Variants in INTS6 observed in about 807,000 individuals in gnomAD.
INTS6 encodes DEAD box protein.
Under a neutral mutation model 104.9 loss-of-function variants are expected in INTS6, and 16 were observed. The ratio of observed to expected loss-of-function variants is 0.15; its 90% CI spans 0.10 to 0.23. The LOEUF (loss-of-function observed/expected upper bound fraction) is 0.23. INTS6 is among the 10% of genes least tolerant of loss of function. INTS6 has a pLI of 1.00. For synonymous variants in INTS6, 324 were observed against 358.7 expected (o/e 0.90, Z 1.09); for missense variants, 584 against 1,062.8 (o/e 0.55, Z 6.26).
intron 3 of INTS6, chr13:51,436,622 G>A (rs1952693439): frequency 6.6e-6 from 1 of 152,010 alleles, no homozygotes; most frequent in Admixed American, 6.6e-5. Context: ...GAAATCGTAA[G>A]TCACCATAAG....
At chr13:51,443,283 A>G (rs928588324) in intron 3 of INTS6, 2 of 152,280 alleles carry the variant, frequency 1.3e-5, no homozygotes, top group Admixed American at 6.5e-5. Flanking sequence ...TCCATTCTAA[A>G]GCCCTATGAA....
At position 51,368,978 on chromosome 13, in the gene INTS6, T is replaced by G. The variant is rs1955747007; in HGVS notation, c.2437A>C (p.Lys813Gln). ...RSHEEVNTEL[K>Q]AQIMKEIRKP... ...CGGATCTCTTTCATTATTTGTGCTT[T>G]TAGTTCAGTATTGACCTCTTCATGG... Residue 813 changes from lysine (K) to glutamine (Q), a missense_variant, in exon 16 of 18, where the codon AAA (lysine) becomes CAA (glutamine). Physicochemically the swap from Lys to Gln is moderately conservative, Grantham distance 53. This residue lies in a region of INTS6 where 296 missense variants were observed against 437.0 expected (regional missense o/e 0.68). Coordinates refer to ENST00000311234, the MANE Select transcript of INTS6 (RefSeq NM_012141.3). The G allele has an allele frequency of 6.2e-7, 1 of 1,603,550 alleles. No individual in the cohort carries two copies. The highest frequency in any genetic ancestry group is 8.5e-7 in the Non-Finnish European group (1 of 1,175,890).
chr13:51,379,100 T>C (rs1955994396), intron 11 of INTS6, among the ~76,000 whole-genome samples: 1 of 151,976 alleles, frequency 6.6e-6, no homozygotes, highest in Non-Finnish European at 1.5e-5. Context: ...ACTCCCATTC[T>C]GAAAGAAAAA....
rs545122503 is a variant in INTS6, at chr13:51,361,783, A to T, written c.*3969T>A. On this transcript the variant is annotated 3_prime_UTR_variant, in exon 18 of 18. Transcript: ENST00000311234. Reference sequence around the variant, plus strand: ...TTTCTTAAAAATGCACAGAAAATGCAATGGAATTTTTCTTTCTTTCCTGCA... The same window carrying T: ...TTTCTTAAAAATGCACAGAAAATGCTATGGAATTTTTCTTTCTTTCCTGCA... The T allele has an allele frequency of 6.4e-7, 1 of 1,563,760 alleles. No homozygotes were observed. Among genetic ancestry groups the T allele is most frequent in the East Asian group, 2.3e-5 (1 of 44,282 alleles).
At chr13:51,394,838 G>A (rs1246470154) in intron 5 of INTS6, among the ~76,000 whole-genome samples, 2 of 152,100 alleles carry the variant, frequency 1.3e-5, no homozygotes, top group African/African-American at 4.8e-5. Flanking sequence ...CTAATCTGAT[G>A]TATAAGTGAA....
intron 7 of INTS6, chr13:51,384,418 A>G (rs997005542): frequency 3.6e-6 from 1 of 279,328 alleles, no homozygotes; most frequent in Non-Finnish European, 7.1e-6. Context: ...TGTGAACAAA[A>G]TGAGCTATGA....
In INTS6 at chr13:51,417,871, T is replaced by G. The variant is rs558336632; in HGVS notation, c.429+12423A>C. ...ATTCTATCTCACTGACCTATATGACTGTCCTTATGCAGTACAATACTGTTG... is the reference window on the plus strand; with the variant it reads ...ATTCTATCTCACTGACCTATATGACGGTCCTTATGCAGTACAATACTGTTG... On this transcript the variant is annotated intron_variant, in intron 4 of 17. Transcript: ENST00000311234. Among the ~76,000 whole-genome samples the G allele has an allele frequency of 3.9e-5, 6 of 152,364 alleles. No individual in the cohort carries two copies. The South Asian group carries it at 1.2e-3, about 32-fold the overall frequency.
intron 3 of INTS6, chr13:51,448,611 G>C (rs1952971406): frequency 6.6e-6 from 1 of 152,146 alleles, no homozygotes; most frequent in Non-Finnish European, 1.5e-5. Context: ...CTTGTAATTA[G>C]TTATGAAAAA....
At chr13:51,354,949 A>C in intron 3 of INTS6, 2 of 661,486 alleles carry the variant, frequency 3.0e-6, no homozygotes, top group African/African-American at 3.6e-5. Context: ...AGCCAGCCTG[A>C]CTTCCAAGTT....
At position 51,374,321 on chromosome 13, in the gene INTS6, A is replaced by C; in HGVS notation, c.1991T>G (p.Leu664Arg). The change falls in exon 15 of 18, where the codon CTA (leucine) becomes CGA (arginine). Residue 664 changes from leucine to arginine, a missense_variant. Coordinates refer to ENST00000311234, the MANE Select transcript of INTS6 (RefSeq NM_012141.3). ...AACAGGATTCTGCTGTCTGCCTCTTAGTAGTGGAGACATACACCGACGTCT... is the reference window on the plus strand; with the variant it reads ...AACAGGATTCTGCTGTCTGCCTCTTCGTAGTGGAGACATACACCGACGTCT... ...PKRRRCMSPLLRGRQQNPVVN... is the reference protein window; with the variant it reads ...PKRRRCMSPLRRGRQQNPVVN... 1 of 1,613,930 alleles carries C rather than the reference A, an allele frequency of 6.2e-7. No homozygotes were observed. The highest frequency in any genetic ancestry group is 1.3e-5 in the African/African-American group (1 of 75,024).
chr13:51,401,245 T>C (rs1381125567), intron 4 of INTS6, among the ~76,000 whole-genome samples: 20 of 152,190 alleles, frequency 1.3e-4, no homozygotes. Context: ...TATATATGCA[T>C]TCACTCATCA....
At chr13:51,428,541 G>A (rs1026261978) in intron 4 of INTS6, among the ~76,000 whole-genome samples, 8 of 151,660 alleles carry the variant, frequency 5.3e-5, no homozygotes, top group Non-Finnish European at 1.2e-4. Context: ...TGGTCAGGCT[G>A]GTCTTGAACT....
In INTS6 at chr13:51,452,777, G is replaced by T; in HGVS notation, c.-252C>A. On this transcript the variant is annotated 5_prime_UTR_variant, in exon 1 of 18. Transcript: ENST00000311234. The surrounding 1 kb of genome is among the most constrained non-coding windows in gnomAD (Gnocchi z 4.2). The stretch of plus-strand genomic sequence containing the variant: ...TCCTGCCTGCCTGCCCGCTGGGGCG[G>T]GCGCCCAGCCGTCTGTCTGTCGGTT... The T allele has an allele frequency of 8.2e-7, 1 of 1,212,926 alleles. No individual in the cohort carries two copies. Among genetic ancestry groups the T allele is most frequent in the Non-Finnish European group, 1.0e-6 (1 of 968,990 alleles). 75.1% of individuals were successfully genotyped at this position (1,212,926 alleles called of 1,614,324 possible).
intron 17 of INTS6, 47 bp downstream of exon 17, chr13:51,367,758 G>A (rs1955720844): frequency 9.4e-7 from 1 of 1,065,814 alleles, no homozygotes; most frequent in Non-Finnish European, 1.4e-6. Flanking sequence ...TATATAAACT[G>A]TGGACTCATT....
chr13:51,398,955 G>A (rs546571496), intron 4 of INTS6, among the ~76,000 whole-genome samples: 7 of 152,182 alleles, frequency 4.6e-5, no homozygotes, highest in African/African-American at 1.7e-4. Context: ...TATCCAGAAA[G>A]CACAGCCTAA....
chr13:51,421,318 C>A, intron 4 of INTS6: 1 of 985,508 alleles, frequency 1.0e-6, no homozygotes, highest in East Asian at 1.1e-4. Flanking sequence ...TTGAAAACCA[C>A]TGGGCTGCTC....
rs1417773935 is a variant in INTS6, at chr13:51,387,533, C to T, written c.747G>A (p.Gln249=). ...ATCCAAAAGGCCTTGATATATCTGG[C>T]TGCCCATCTATAGCAAAGAAATTAA... ...GPDPSPVEDG[Q]PDISRPFGSQ... is the part of the protein sequence containing the mutation. The change falls in exon 7 of 18, where the codon CAG becomes CAA. Residue 249 remains glutamine (Q), a synonymous_variant. Transcript: ENST00000311234. 3.1e-6 allele frequency: 5 copies of T among 1,606,788 alleles called. No individual in the cohort carries two copies. The highest frequency in any genetic ancestry group is 2.2e-5 in the South Asian group (2 of 89,936).
intron 4 of INTS6, among the ~76,000 whole-genome samples, chr13:51,420,299 ATT>A (rs71192003): frequency 4.2e-5 from 6 of 142,852 alleles, no homozygotes; most frequent in Admixed American, 2.1e-4. Context: ...TACATACTTA[ATT>A]TTTTTTTTTT....
At chr13:51,353,463 A>C (rs1955430989), downstream of INTS6, among the ~76,000 whole-genome samples, 1 of 152,208 alleles carries the variant, frequency 6.6e-6, no homozygotes, top group African/African-American at 2.4e-5. Flanking sequence ...AAGAGAAGCA[A>C]AGTAACTTCC....
Sources: allele counts gnomAD v4.1 joint callset (sites outside exome capture counted in the v4.1 genomes callset), GRCh38; gene constraint gnomAD v4.1.1; regional missense constraint gnomAD v4.1.1; non-coding constraint Gnocchi (gnomAD v3.1); transcripts MANE v1.5; gene names NCBI Gene and HGNC (gene_info 2026-07-23, HGNC 2026-07-21).